PPP2R2B: variants seen among roughly 807,000 people sequenced by gnomAD.
PPP2R2B encodes the protein protein phosphatase 2 regulatory subunit Bbeta, also known as serine/threonine-protein phosphatase 2A 55 kDa regulatory subunit B beta isoform.
Under a neutral mutation model 46.0 loss-of-function variants are expected in PPP2R2B, and 5 were observed. The observed-to-expected ratio is 0.11, with a 90% CI of 0.06 to 0.23. PPP2R2B has a LOEUF of 0.23. Ranked by LOEUF, PPP2R2B falls within the 10% of genes least tolerant of loss-of-function variation. The pLI is 1.00. For missense variants in PPP2R2B, 367 were observed against 575.0 expected, an observed-to-expected ratio of 0.64 and a Z score of 3.70; for synonymous variants, 215 against 206.7, an observed-to-expected ratio of 1.04 and a Z score of -0.34.
intron 2 of PPP2R2B, among the ~76,000 whole-genome samples, chr5:147,063,739 G>A (rs1024430572): frequency 2.6e-5 from 4 of 152,138 alleles, no homozygotes; most frequent in Admixed American, 6.6e-5. Context: ...TGGCCTTAGA[G>A]CCTTCCCCAG....
At chr5:146,740,638 A>G (rs546235018) in intron 2 of PPP2R2B, among the ~76,000 whole-genome samples, 4 of 151,260 alleles carry the variant, frequency 2.6e-5, no homozygotes, top group Non-Finnish European at 4.4e-5. Context: ...AAAGTTCTTG[A>G]TGGATGCCAT....
intron 1 of PPP2R2B, among the ~76,000 whole-genome samples, chr5:146,912,435 G>T (rs1432927396): frequency 6.6e-6 from 1 of 151,838 alleles, no homozygotes; most frequent in Admixed American, 6.6e-5. Context: ...AAGAATAGAG[G>T]GGGGATATTT....
intron 7 of PPP2R2B, among the ~76,000 whole-genome samples, chr5:146,634,781 CA>C: frequency 6.6e-6 from 1 of 151,910 alleles, no homozygotes; most frequent in Non-Finnish European, 1.5e-5. Context: ...CACACACACA[CA>C]CCCCCTACTG....
intron 2 of PPP2R2B, among the ~76,000 whole-genome samples, chr5:147,077,934 G>T (rs1479615709): frequency 6.6e-6 from 1 of 152,152 alleles, no homozygotes; most frequent in Non-Finnish European, 1.5e-5. Flanking sequence ...TGTGTAAAAT[G>T]CACATTCCAG....
At chr5:146,605,500 G>A (rs1052487979) in intron 7 of PPP2R2B, among the ~76,000 whole-genome samples, 3 of 152,228 alleles carry the variant, frequency 2.0e-5, no homozygotes, top group Admixed American at 1.3e-4. Flanking sequence ...AGTCAAATAA[G>A]CTTGGGAAAC....
At chr5:146,933,077 A>T (rs925077570) in intron 1 of PPP2R2B, among the ~76,000 whole-genome samples, 2 of 152,170 alleles carry the variant, frequency 1.3e-5, no homozygotes, top group African/African-American at 4.8e-5. Flanking sequence ...GGTTGTATTC[A>T]ACCTTGGAAT....
At chr5:146,809,964 AG>A (rs1757424329) in intron 2 of PPP2R2B, among the ~76,000 whole-genome samples, 1 of 152,186 alleles carries the variant, frequency 6.6e-6, no homozygotes. Flanking sequence ...AGTACAAAAA[AG>A]GACTTGCTAG....
intron 1 of PPP2R2B, among the ~76,000 whole-genome samples, chr5:146,973,945 C>T (rs1375519537): frequency 6.6e-6 from 1 of 152,124 alleles, no homozygotes; most frequent in Admixed American, 6.5e-5. Flanking sequence ...CCCCAGAGTT[C>T]CATCCTAGGC....
intron 1 of PPP2R2B, among the ~76,000 whole-genome samples, chr5:146,945,729 G>A (rs1764459203): frequency 6.6e-6 from 1 of 152,210 alleles, no homozygotes; most frequent in African/African-American, 2.4e-5. Flanking sequence ...GGATAACATA[G>A]TTTTATATTG....
chr5:146,990,693 A>G (rs1753660272), intron 1 of PPP2R2B, among the ~76,000 whole-genome samples: 1 of 152,284 alleles, frequency 6.6e-6, no homozygotes, highest in Non-Finnish European at 1.5e-5. Context: ...AAGCACAGAA[A>G]CAAAACCAAA....
At chr5:146,891,056 A>C (rs942005842) in intron 1 of PPP2R2B, among the ~76,000 whole-genome samples, 4 of 152,174 alleles carry the variant, frequency 2.6e-5, no homozygotes, top group African/African-American at 9.7e-5. Context: ...GTCCCCAGCA[A>C]ATTTTTTCGT....
intron 2 of PPP2R2B, among the ~76,000 whole-genome samples, chr5:146,706,178 G>T (rs932536378): frequency 6.6e-6 from 1 of 152,098 alleles, no homozygotes; most frequent in Non-Finnish European, 1.5e-5. Flanking sequence ...CCGTAGGAGG[G>T]GCAGGCTGGG....
At chr5:146,721,698 G>A (rs1433308356) in intron 2 of PPP2R2B, among the ~76,000 whole-genome samples, 2 of 152,214 alleles carry the variant, frequency 1.3e-5, no homozygotes, top group Non-Finnish European at 2.9e-5. Context: ...TCATTAAGGC[G>A]AAACATTTAC....
At chr5:146,851,532 C>T (rs1046427795) in intron 2 of PPP2R2B, among the ~76,000 whole-genome samples, 46 of 152,140 alleles carry the variant, frequency 3.0e-4, no homozygotes, top group Admixed American at 2.9e-3. Context: ...GGATAACCTG[C>T]ATCATTATTG....
chr5:146,942,496 T>A lies in PPP2R2B; in HGVS notation c.79+113169A>T, dbSNP rs191401470. Among the ~76,000 whole-genome samples, 739 of 152,334 alleles carry A rather than the reference T, an allele frequency of 4.9e-3. 5 individuals carry two copies. The highest frequency in any genetic ancestry group is 0.017 in the African/African-American group (706 of 41,586). On this transcript the variant is annotated intron_variant, in intron 1 of 8. Transcript: ENST00000336640. ...CTGTGATGTGTCTTTCTTCTTTCACTTTTTAGTTGCACTTGTGCAATTACT... is the reference window on the plus strand; with the variant it reads ...CTGTGATGTGTCTTTCTTCTTTCACATTTTAGTTGCACTTGTGCAATTACT...
At chr5:146,629,171 C>T (rs1358390727) in intron 7 of PPP2R2B, among the ~76,000 whole-genome samples, 2 of 152,190 alleles carry the variant, frequency 1.3e-5, no homozygotes, top group Admixed American at 6.5e-5. Flanking sequence ...CTCATGTTAT[C>T]TAATTGTCTG....
chr5:146,697,920 T>A (rs1270830009), intron 4 of PPP2R2B, 59 bp downstream of exon 4: 3 of 1,486,802 alleles, frequency 2.0e-6, no homozygotes, highest in Non-Finnish European at 2.7e-6. Context: ...TAAGAGAGAT[T>A]GAAGTATATA....
At chr5:146,686,381 C>T in intron 5 of PPP2R2B, among the ~76,000 whole-genome samples, 1 of 151,894 alleles carries the variant, frequency 6.6e-6, no homozygotes, top group East Asian at 1.9e-4. Context: ...CATAGGATAC[C>T]CTAGGAGGGC....
At chr5:146,639,486 G>A (rs932146843) in intron 6 of PPP2R2B, among the ~76,000 whole-genome samples, 5 of 152,174 alleles carry the variant, frequency 3.3e-5, no homozygotes, top group African/African-American at 9.7e-5. Context: ...CATGAGTGAA[G>A]GAGTGGGTTT....
Sources: gnomAD v4.1 joint callset for allele counts (sites outside exome capture counted in the v4.1 genomes callset) on GRCh38, gnomAD v4.1.1 for gene constraint, MANE v1.5 for transcripts, NCBI Gene and HGNC (gene_info 2026-07-23, HGNC 2026-07-21) for gene names.